Variants in CACNA1C observed in about 807,000 individuals in gnomAD.
CACNA1C encodes voltage-dependent L-type calcium channel subunit alpha-1C.
CACNA1C carries 30 observed loss-of-function variants against 229.0 expected under a neutral mutation model. That is an observed-to-expected ratio of 0.13 (90% confidence interval 0.10 to 0.18). The LOEUF is 0.18. Ranked by LOEUF, CACNA1C falls within the 10% of genes least tolerant of loss-of-function variation. CACNA1C has a pLI of 1.00. For missense variants in CACNA1C, 1,658 were observed against 2,845.0 expected, an observed-to-expected ratio of 0.58 and a Z score of 9.49; for synonymous variants, 1,114 against 1,132.5, an observed-to-expected ratio of 0.98 and a Z score of 0.33.
rs576198707 is a variant in CACNA1C at position 2,076,275 on chromosome 12, C to A, written c.49+22664C>A. Among the ~76,000 whole-genome samples the A allele has an allele frequency of 2.6e-5, 4 of 152,330 alleles. No individual in the cohort carries two copies. The East Asian group carries it at 7.7e-4, about 29-fold the overall frequency. ...CAGACGTAACCTTCTGATTCACTGTCTAATTTAGGGCAGAAACTTGCAGAG... is the reference window on the plus strand; with the variant it reads ...CAGACGTAACCTTCTGATTCACTGTATAATTTAGGGCAGAAACTTGCAGAG... On this transcript the variant is annotated intron_variant, in intron 1 of 46. Coordinates refer to ENST00000399655, the MANE Select transcript of CACNA1C (RefSeq NM_000719.7).
intron 3 of CACNA1C, among the ~76,000 whole-genome samples, chr12:2,299,206 A>G (rs936578113): frequency 3.9e-5 from 6 of 152,188 alleles, no homozygotes; most frequent in African/African-American, 7.2e-5. Flanking sequence ...TTTAAATATA[A>G]TGATATGGGG....
intron 29 of CACNA1C, among the ~76,000 whole-genome samples, chr12:2,618,111 G>A (rs924775688): frequency 1.3e-4 from 20 of 152,336 alleles, no homozygotes; most frequent in African/African-American, 2.9e-4. Flanking sequence ...GCTGTTTTAG[G>A]TGTTGGAGTC....
At chr12:2,071,054 C>T (rs1160774996) in intron 1 of CACNA1C, among the ~76,000 whole-genome samples, 2 of 115,914 alleles carry the variant, frequency 1.7e-5, no homozygotes, top group African/African-American at 7.2e-5. Context: ...CCCTTCCCTT[C>T]CTCCCTCCCT....
intron 3 of CACNA1C, among the ~76,000 whole-genome samples, chr12:2,168,694 CTT>C (rs936053786): frequency 2.0e-5 from 3 of 152,104 alleles, no homozygotes; most frequent in African/African-American, 7.2e-5. Context: ...ATTAACCTGA[CTT>C]TGATTTTTTT....
intron 1 of CACNA1C, among the ~76,000 whole-genome samples, chr12:2,045,834 A>G (rs2050951240): frequency 6.6e-6 from 1 of 152,032 alleles, no homozygotes; most frequent in Admixed American, 6.5e-5. Context: ...CTTATCAGGA[A>G]AAAGGGTCTT....
chr12:2,493,489 A>T lies in CACNA1C; in HGVS notation c.1113+103A>T. 1 of 827,444 alleles carries T rather than the reference A, an allele frequency of 1.2e-6. No individual in the cohort carries two copies. Among genetic ancestry groups the T allele is most frequent in the Non-Finnish European group, 2.0e-6 (1 of 497,138 alleles). 51.3% of individuals were successfully genotyped at this position (827,444 alleles called of 1,614,324 possible). A position where few individuals can be genotyped will look rare whatever the true frequency, so the allele number is the denominator to read the frequency against. ...CCTCCCCATGGTCTTGGGGTCACAT[A>T]CGCATCTTGATGGAATGGTTGATGA... On this transcript the variant is annotated intron_variant, in intron 7 of 46. Transcript: ENST00000399655. This position sits in a 1 kb window ranked among gnomAD's most constrained non-coding sequence, Gnocchi z 4.6.
At chr12:2,437,980 ATGG>A in intron 3 of CACNA1C, among the ~76,000 whole-genome samples, 1 of 140,388 alleles carries the variant, frequency 7.1e-6, no homozygotes, top group South Asian at 2.4e-4. Flanking sequence ...GGTGATAATG[ATGG>A]TGATGATGGT....
intron 3 of CACNA1C, among the ~76,000 whole-genome samples, chr12:2,376,388 T>A (rs1018944901): frequency 4.6e-5 from 7 of 152,062 alleles, no homozygotes; most frequent in African/African-American, 1.7e-4. Context: ...CCTGAGTACC[T>A]GTGCTTGAGG....
intron 18 of CACNA1C, among the ~76,000 whole-genome samples, chr12:2,588,357 A>C (rs1400528956): frequency 1.3e-5 from 2 of 152,144 alleles, no homozygotes; most frequent in Non-Finnish European, 2.9e-5. Context: ...CTTCAGCCAG[A>C]CCACTAGGGA....
chr12:2,672,791 G>T (rs973410747), intron 38 of CACNA1C, among the ~76,000 whole-genome samples: 2 of 152,182 alleles, frequency 1.3e-5, no homozygotes, highest in Admixed American at 6.5e-5. Flanking sequence ...CATGAATTTT[G>T]GGAGGACACT....
At chr12:2,339,597 A>G (rs1319488115) in intron 3 of CACNA1C, among the ~76,000 whole-genome samples, 1 of 152,094 alleles carries the variant, frequency 6.6e-6, no homozygotes, top group Non-Finnish European at 1.5e-5. Flanking sequence ...CCTTTTTTCT[A>G]TGTGATGTAT....
At position 2,462,185 on chromosome 12, in the gene CACNA1C, T is replaced by A. The variant is rs933643839; in HGVS notation, c.757+4479T>A. On this transcript the variant is annotated intron_variant, in intron 5 of 46. Transcript: ENST00000399655. ...GGGGTGGTGGCCGGCACTTGCTCCTTCTGTCTGAACGCCCTCGGCTCAGCT... is the reference window on the plus strand; with the variant it reads ...GGGGTGGTGGCCGGCACTTGCTCCTACTGTCTGAACGCCCTCGGCTCAGCT... 4.1e-5 allele frequency among the ~76,000 whole-genome samples: 4 copies of A among 98,690 alleles called. No homozygotes were observed. In the East Asian group the frequency reaches 1.9e-3, roughly 46 times the overall value. The allele number at this position is 98,690 out of a possible 152,430, so 64.7% of individuals were successfully genotyped here.
chr12:2,671,918 C>G (rs2096586537), intron 38 of CACNA1C, among the ~76,000 whole-genome samples: 1 of 152,176 alleles, frequency 6.6e-6, no homozygotes, highest in Admixed American at 6.5e-5. Context: ...TTGTTAAAAT[C>G]GAAACGCCCC....
intron 1 of CACNA1C, among the ~76,000 whole-genome samples, chr12:2,082,153 C>T (rs966577208): frequency 6.6e-6 from 1 of 152,150 alleles, no homozygotes; most frequent in Non-Finnish European, 1.5e-5. Context: ...TAATAAGCAC[C>T]TTGCTCGTGT....
At chr12:2,234,374 G>A (rs896187958) in intron 3 of CACNA1C, among the ~76,000 whole-genome samples, 4 of 152,222 alleles carry the variant, frequency 2.6e-5, no homozygotes, top group African/African-American at 9.6e-5. Flanking sequence ...GAACACTCAA[G>A]CTGTGGTGAG....
At chr12:2,147,872 T>G (rs2094868553) in intron 3 of CACNA1C, among the ~76,000 whole-genome samples, 1 of 151,022 alleles carries the variant, frequency 6.6e-6, no homozygotes, top group Non-Finnish European at 1.5e-5. Context: ...TGGTTCATAA[T>G]CCTAGGATTA....
At chr12:2,526,260 A>C (rs2099818354) in intron 9 of CACNA1C, among the ~76,000 whole-genome samples, 1 of 152,198 alleles carries the variant, frequency 6.6e-6, no homozygotes, top group Non-Finnish European at 1.5e-5. Context: ...TTAATCATGC[A>C]TCCCCCGAAC....
At chr12:2,352,759 G>A (rs993062402) in intron 3 of CACNA1C, among the ~76,000 whole-genome samples, 1 of 152,156 alleles carries the variant, frequency 6.6e-6, no homozygotes, top group African/African-American at 2.4e-5. Context: ...GGACCGTTGA[G>A]TGTCTGGCAA....
intron 38 of CACNA1C, among the ~76,000 whole-genome samples, chr12:2,671,034 T>A (rs79103028): frequency 3.3e-5 from 5 of 150,998 alleles, no homozygotes; most frequent in African/African-American, 7.3e-5. Flanking sequence ...TTTTTTTTTT[T>A]AAATGGAATC....
Sources: allele counts gnomAD v4.1 joint callset (sites outside exome capture counted in the v4.1 genomes callset), GRCh38; gene constraint gnomAD v4.1.1; non-coding constraint Gnocchi (gnomAD v3.1); transcripts MANE v1.5; gene names NCBI Gene and HGNC (gene_info 2026-07-23, HGNC 2026-07-21).